Variants in DOCK1 observed in about 807,000 individuals in gnomAD.
DOCK1 encodes the protein dedicator of cytokinesis 1.
A neutral mutation model predicts 262.7 loss-of-function variants in DOCK1; 138 were observed. That is an observed-to-expected ratio of 0.53 (90% confidence interval 0.46 to 0.61). The LOEUF is 0.61. Among genes scored for constraint, DOCK1 ranks in the 20% least tolerant of loss-of-function variants. DOCK1 has a pLI of 0.00. For synonymous variants in DOCK1, 866 were observed against 867.4 expected, an observed-to-expected ratio of 1.00 and a Z score of 0.03; for missense variants, 1,908 against 2,370.7, an observed-to-expected ratio of 0.80 and a Z score of 4.05.
intron 29 of DOCK1, among the ~76,000 whole-genome samples, chr10:127,307,463 G>A (rs997586111): frequency 2.0e-5 from 3 of 152,304 alleles, no homozygotes; most frequent in Admixed American, 6.5e-5. Flanking sequence ...CGTTCAGTCC[G>A]CTGTCTTGGC....
intron 1 of DOCK1, among the ~76,000 whole-genome samples, chr10:126,952,243 AGGTGAT>A (rs2036315437): frequency 6.6e-6 from 1 of 151,726 alleles, no homozygotes; most frequent in South Asian, 2.1e-4. Flanking sequence ...GTAGTGTTGT[AGGTGAT>A]GGTGATGGTA....
intron 22 of DOCK1, among the ~76,000 whole-genome samples, chr10:127,055,893 T>C (rs550516881): frequency 6.6e-6 from 1 of 152,346 alleles, no homozygotes; most frequent in African/African-American, 2.4e-5. Context: ...GTCCTCTGAA[T>C]GCCTGCATTC....
At chr10:127,137,449 TA>T (rs902240092) in intron 27 of DOCK1, 115 of 159,970 alleles carry the variant, frequency 7.2e-4, no homozygotes, top group Middle Eastern at 3.0e-3. Flanking sequence ...TCTCATTATT[TA>T]AAAAAAAAAT....
At chr10:126,907,965 GC>G (rs1350657993) in intron 1 of DOCK1, among the ~76,000 whole-genome samples, 3 of 152,220 alleles carry the variant, frequency 2.0e-5, no homozygotes, top group Non-Finnish European at 4.4e-5. Flanking sequence ...GGATGGTTTT[GC>G]CAGGAAATGC....
At chr10:127,216,382 A>C (rs866402944) in intron 27 of DOCK1, among the ~76,000 whole-genome samples, 3 of 152,084 alleles carry the variant, frequency 2.0e-5, no homozygotes, top group Middle Eastern at 6.8e-3. Context: ...ACAGATACTT[A>C]TGGGCAGAGA....
At chr10:127,271,058 T>C (rs1481852948) in intron 29 of DOCK1, among the ~76,000 whole-genome samples, 1 of 152,046 alleles carries the variant, frequency 6.6e-6, no homozygotes, top group Non-Finnish European at 1.5e-5. Context: ...TGTATCTGTG[T>C]TCTAGATAAG....
At chr10:127,022,714 A>G (rs7094555) in intron 13 of DOCK1, among the ~76,000 whole-genome samples, 124,053 of 152,126 alleles carry the variant, frequency 0.82, 50,784 homozygotes, top group South Asian at 0.89. Context: ...TTCTTAATCA[A>G]CTTTTAGTTC....
chr10:127,174,367 A>G (rs556373207), intron 27 of DOCK1, among the ~76,000 whole-genome samples: 1 of 152,188 alleles, frequency 6.6e-6, no homozygotes, highest in Non-Finnish European at 1.5e-5. Context: ...AGAGTAGAAC[A>G]GGCTGCTTTG....
At chr10:127,233,571 A>T (rs2058933906) in intron 27 of DOCK1, among the ~76,000 whole-genome samples, 1 of 152,186 alleles carries the variant, frequency 6.6e-6, no homozygotes, top group African/African-American at 2.4e-5. Flanking sequence ...ATACTAATTA[A>T]TGTCAACTCT....
chr10:127,307,440 A>T (rs2135473344), intron 29 of DOCK1, among the ~76,000 whole-genome samples: 1 of 152,356 alleles, frequency 6.6e-6, no homozygotes, highest in East Asian at 1.9e-4. Context: ...ACAAGTCCTC[A>T]GTGGAGTTCT....
At chr10:127,147,657 A>T (rs1249937994) in intron 27 of DOCK1, among the ~76,000 whole-genome samples, 1 of 152,062 alleles carries the variant, frequency 6.6e-6, no homozygotes, top group East Asian at 1.9e-4. Flanking sequence ...GGTCCCTTGA[A>T]AAACACCTGT....
In DOCK1 at chr10:126,987,615, G is replaced by C. The variant is rs147989604; in HGVS notation, c.322G>C (p.Val108Leu). The C allele has an allele frequency of 5.7e-5, 89 of 1,558,044 alleles. No individual in the cohort carries two copies. The highest frequency in any genetic ancestry group is 7.5e-5 in the Non-Finnish European group (86 of 1,150,318). ...EWSTIWRQLY[V>L]QDNREMFRSV... The stretch of plus-strand genomic sequence containing the variant: ...GTCCACCATCTGGAGGCAGCTCTAC[G>C]TGGTGAGAAAATGAGATATTCATTC... The change falls in exon 5 of 52, where the codon GTG becomes CTG. Residue 108 changes from valine to leucine, a missense_variant and splice_region_variant. By Grantham distance (32) the Val-to-Leu change is conservative (BLOSUM62 1). Around this residue, in one of 9 missense-constraint regions of DOCK1, gnomAD observed 227 missense variants for 254.1 expected, o/e 0.89. Coordinates refer to ENST00000623213, the MANE Select transcript of DOCK1 (RefSeq NM_001290223.2).
intron 27 of DOCK1, chr10:127,153,995 A>G (rs2052772918): frequency 9.5e-7 from 1 of 1,054,310 alleles, no homozygotes; most frequent in Non-Finnish European, 1.5e-6. Flanking sequence ...CAGATGCCTC[A>G]AATCAAATGC....
intron 10 of DOCK1, chr10:127,000,868 C>T (rs1459047699): frequency 6.3e-6 from 1 of 158,928 alleles, no homozygotes; most frequent in Non-Finnish European, 1.4e-5. Context: ...CTTCCTCCGC[C>T]ATGTTGGTGC....
At position 127,169,068 on chromosome 10, in the gene DOCK1, A is replaced by G. The variant is rs541271271; in HGVS notation, c.2847+41304A>G. Among the ~76,000 whole-genome samples the G allele has an allele frequency of 6.6e-5, 10 of 152,316 alleles. No individual in the cohort carries two copies. In the South Asian group the frequency reaches 1.5e-3, roughly 22 times the overall value. ...AGCATCAATATTCTAGGTTAACGCA[A>G]GTCACATCACGCAAACATGTTCTGT... On this transcript the variant is annotated intron_variant, in intron 27 of 51. Coordinates refer to ENST00000623213, the MANE Select transcript of DOCK1 (RefSeq NM_001290223.2).
Position 127,065,352 on chromosome 10 carries a change from T to C in DOCK1, c.2445+3576T>C, listed in dbSNP as rs796828887. Among the ~76,000 whole-genome samples the C allele has an allele frequency of 1.4e-4, 22 of 152,340 alleles. 2 individuals carry two copies. Among genetic ancestry groups the C allele is most frequent in the African/African-American group, 5.1e-4 (21 of 41,580 alleles). The stretch of plus-strand genomic sequence containing the variant: ...ATATGGCATAATGTCTGCAAGGTTC[T>C]ACCAGGTGGTGGCATGTGTCAGAAT... On this transcript the variant is annotated intron_variant, in intron 23 of 51. Transcript: ENST00000623213.
At chr10:127,326,256 T>C (rs2062744506) in intron 29 of DOCK1, among the ~76,000 whole-genome samples, 1 of 152,244 alleles carries the variant, frequency 6.6e-6, no homozygotes, top group Non-Finnish European at 1.5e-5. Context: ...CTCTGTAGCC[T>C]GTGATGCTGT....
intron 29 of DOCK1, among the ~76,000 whole-genome samples, chr10:127,282,507 T>C (rs1564962621): frequency 6.6e-6 from 1 of 152,202 alleles, no homozygotes; most frequent in Non-Finnish European, 1.5e-5. Context: ...TGTTCTCAGA[T>C]TCATTGACAC....
At chr10:126,994,231 CTG>C (rs1448430738) in intron 6 of DOCK1, among the ~76,000 whole-genome samples, 1 of 152,124 alleles carries the variant, frequency 6.6e-6, no homozygotes, top group African/African-American at 2.4e-5. Context: ...TAAATAAAAA[CTG>C]TGGTAAAAAT....
Sources: gnomAD v4.1 joint callset for allele counts (sites outside exome capture counted in the v4.1 genomes callset) on GRCh38, gnomAD v4.1.1 for gene constraint, gnomAD v4.1.1 regional missense constraint, MANE v1.5 for transcripts, NCBI Gene and HGNC (gene_info 2026-07-23, HGNC 2026-07-21) for gene names.